RPS6KA6: variants seen among roughly 807,000 people sequenced by gnomAD.
The protein encoded by RPS6KA6 is ribosomal protein S6 kinase A6.
Under a neutral mutation model 65.4 loss-of-function variants are expected in RPS6KA6, and 27 were observed. The ratio of observed to expected loss-of-function variants is 0.41; its 90% confidence interval spans 0.30 to 0.57. The LOEUF (loss-of-function observed/expected upper bound fraction) is 0.57, where lower values mean the gene tolerates loss of function less well. Ranked by LOEUF, RPS6KA6 falls within the 20% of genes least tolerant of loss-of-function variation. RPS6KA6 has a pLI of 0.24. For synonymous variants in RPS6KA6, 190 were observed against 184.2 expected (o/e 1.03, Z -0.26); for missense variants, 486 against 555.6 (o/e 0.87, Z 1.26).
intron 20 of RPS6KA6, among the ~76,000 whole-genome samples, chrX:84,092,647 A>T (rs2034071103): frequency 1.8e-5 from 2 of 110,119 alleles, no homozygotes. Context: ...ATGAGACATC[A>T]CCTCACTCCA....
chrX:84,102,276 A>ATGT, intron 17 of RPS6KA6, 78 bp from the exon 18 acceptor site: 5 of 529,083 alleles, frequency 9.5e-6, no homozygotes, highest in Non-Finnish European at 1.3e-5. Context: ...TATCTATATA[A>ATGT]TTAACTAAAT....
In RPS6KA6 at chrX:84,087,798, A is replaced by G. The variant is rs1239787493; in HGVS notation, c.1971+8396T>C. On this transcript the variant is annotated intron_variant, in intron 20 of 21. Transcript: ENST00000262752. The stretch of plus-strand genomic sequence containing the variant: ...CCCATCTCTTTCCGGTACCCCAATC[A>G]GTTGGAGGCTTGGTCTTTTTACATA... Among the ~76,000 whole-genome samples the G allele has an allele frequency of 3.6e-5, 4 of 111,742 alleles. No homozygotes were observed. The Admixed American group carries it at 3.8e-4, about 11-fold the overall frequency.
chrX:84,131,316 G>A (rs1348844421), intron 8 of RPS6KA6, among the ~76,000 whole-genome samples: 7 of 112,097 alleles, frequency 6.2e-5, no homozygotes, highest in African/African-American at 2.3e-4. Flanking sequence ...TTCTAACTAT[G>A]CTCAACATTT....
At position 84,128,532 on chromosome X, in the gene RPS6KA6, T is replaced by C. The variant is rs184839023; in HGVS notation, c.646+6250A>G. On this transcript the variant is annotated intron_variant, in intron 8 of 21. Transcript: ENST00000262752. ...CTAAAATTTATATGGATCCACAAAA[T>C]ACCCAGTATAGATAAAGCTACCTAC... Among the ~76,000 whole-genome samples, 208 of 111,267 alleles carry C rather than the reference T, an allele frequency of 1.9e-3. 1 individual carries two copies. The highest frequency in any genetic ancestry group is 6.6e-3 in the African/African-American group (204 of 30,737).
chrX:84,134,625 G>T (rs2147513390), intron 8 of RPS6KA6, among the ~76,000 whole-genome samples, 157 bp downstream of exon 8: 1 of 111,004 alleles, frequency 9.0e-6, no homozygotes, highest in South Asian at 3.7e-4. Flanking sequence ...CATATTGAGA[G>T]CAGTCTAACC....
intron 2 of RPS6KA6, among the ~76,000 whole-genome samples, chrX:84,163,757 A>T (rs1462892099): frequency 2.7e-5 from 3 of 111,856 alleles, no homozygotes; most frequent in Admixed American, 1.9e-4. Flanking sequence ...TCTCCCTACA[A>T]ATCTTAAGAA....
intron 14 of RPS6KA6, 124 bp downstream of exon 14, chrX:84,106,786 G>T (rs1383123769): frequency 5.3e-6 from 3 of 567,087 alleles, no homozygotes; most frequent in Non-Finnish European, 2.7e-6. Context: ...TTTAATTCAT[G>T]ATTTATACCA....
chrX:84,138,543 C>A (rs778408725), intron 6 of RPS6KA6, among the ~76,000 whole-genome samples: 4 of 112,035 alleles, frequency 3.6e-5, no homozygotes, highest in African/African-American at 1.3e-4. Context: ...CAGAGCAAGA[C>A]CCTGTCTCAA....
At chrX:84,146,896 G>A (rs1037033803) in intron 5 of RPS6KA6, 82 bp downstream of exon 5, 19 of 510,407 alleles carry the variant, frequency 3.7e-5, no homozygotes, top group Admixed American at 3.3e-4. Flanking sequence ...ATAGTATTGT[G>A]TGAAAGGAAA....
At chrX:84,066,908 C>T (rs1212908619) in intron 20 of RPS6KA6, among the ~76,000 whole-genome samples, 3 of 111,512 alleles carry the variant, frequency 2.7e-5, no homozygotes, top group African/African-American at 9.8e-5. Context: ...CGCTCTGGGA[C>T]GGAGCTTCCA....
chrX:84,143,872 T>C (rs952773026), intron 6 of RPS6KA6, among the ~76,000 whole-genome samples: 4 of 111,073 alleles, frequency 3.6e-5, no homozygotes, highest in African/African-American at 1.3e-4. Flanking sequence ...TATCCAGAAA[T>C]AGGCCTTCAT....
chrX:84,184,351 A>G (rs2035899895), intron 1 of RPS6KA6, among the ~76,000 whole-genome samples: 1 of 112,821 alleles, frequency 8.9e-6, no homozygotes, highest in Non-Finnish European at 1.9e-5. Flanking sequence ...GCATGGGAAG[A>G]GGCATGATGA....
intron 1 of RPS6KA6, among the ~76,000 whole-genome samples, chrX:84,172,150 A>T (rs756933038): frequency 2.7e-5 from 3 of 112,055 alleles, no homozygotes; most frequent in Non-Finnish European, 5.6e-5. Context: ...ATGCGTGTTT[A>T]TATATAGTGT....
chrX:84,077,249 T>C (rs1425826604), intron 20 of RPS6KA6, among the ~76,000 whole-genome samples: 1 of 111,262 alleles, frequency 9.0e-6, no homozygotes, highest in African/African-American at 3.3e-5. Context: ...AAGCTGATTA[T>C]AAAATTCATA....
chrX:84,106,586 G>A (rs1043260720), intron 14 of RPS6KA6, 99 bp from the exon 15 acceptor site: 7 of 599,081 alleles, frequency 1.2e-5, no homozygotes, highest in Non-Finnish European at 1.7e-5. Context: ...CCTTAAACTA[G>A]AATAATTCAT....
chrX:84,126,728 A>G (rs2034795586), intron 8 of RPS6KA6, among the ~76,000 whole-genome samples: 1 of 111,806 alleles, frequency 8.9e-6, no homozygotes, highest in African/African-American at 3.2e-5. Context: ...GAAATAAAAC[A>G]ATATGTTCCT....
At chrX:84,171,051 CCAGGGCCCT>C (rs1377609251) in intron 1 of RPS6KA6, among the ~76,000 whole-genome samples, 1 of 111,478 alleles carries the variant, frequency 9.0e-6, no homozygotes, top group Non-Finnish European at 1.9e-5. Context: ...CAGCAAGAAG[CCAGGGCCCT>C]CAGTCCTGCA....
intron 6 of RPS6KA6, among the ~76,000 whole-genome samples, chrX:84,138,604 G>A (rs747529631): frequency 8.9e-6 from 1 of 112,125 alleles, no homozygotes; most frequent in Non-Finnish European, 1.9e-5. Flanking sequence ...ACTTTTCCAA[G>A]GAAACTATAA....
At chrX:84,140,023 A>G (rs1238251570) in intron 6 of RPS6KA6, among the ~76,000 whole-genome samples, 1 of 111,881 alleles carries the variant, frequency 8.9e-6, no homozygotes, top group Non-Finnish European at 1.9e-5. Context: ...AGAAGAGAAA[A>G]TTGCACAAAG....
Sources: allele counts gnomAD v4.1 joint callset (sites outside exome capture counted in the v4.1 genomes callset), GRCh38; gene constraint gnomAD v4.1.1; transcripts MANE v1.5; gene names NCBI Gene and HGNC (gene_info 2026-07-23, HGNC 2026-07-21).